Variants in GARNL3 observed in about 807,000 individuals in gnomAD.
The protein encoded by GARNL3 is GTPase activating Rap/RanGAP domain like 3.
Under a neutral mutation model 125.0 loss-of-function variants are expected in GARNL3, and 63 were observed. The ratio of observed to expected loss-of-function variants is 0.50; its 90% CI spans 0.41 to 0.62. GARNL3 has a LOEUF of 0.62. Ranked by LOEUF, GARNL3 falls within the 20% of genes least tolerant of loss-of-function variation. The pLI is 0.00. For missense variants in GARNL3, 994 were observed against 1,244.0 expected (o/e 0.80, Z 3.02); for synonymous variants, 439 against 457.5 (o/e 0.96, Z 0.52).
chr9:127,342,540 G>T (rs371999298), intron 14 of GARNL3, among the ~76,000 whole-genome samples: 1 of 152,312 alleles, frequency 6.6e-6, no homozygotes, highest in East Asian at 1.9e-4. Flanking sequence ...ACACAGGAAT[G>T]CGATTTCCAG....
intron 13 of GARNL3, among the ~76,000 whole-genome samples, chr9:127,341,477 A>G (rs1173481000): frequency 6.6e-6 from 1 of 152,242 alleles, no homozygotes; most frequent in Non-Finnish European, 1.5e-5. Context: ...CTGAAATTGT[A>G]TGTGAAATTG....
At position 127,367,579 on chromosome 9, in the gene GARNL3, C is replaced by CCAGAA. The variant is rs1831352917; in HGVS notation, c.2161+2213_2161+2214insCAGAA. On this transcript the variant is annotated intron_variant, in intron 22 of 27. Transcript: ENST00000373387. ...ATATTGGGTTTTTTAAATAATTAAA[C>CCAGAA]TCTATTTTTATTACCAGAATCTGTC... Among the ~76,000 whole-genome samples, 2 of 152,082 alleles carry CCAGAA rather than the reference C, an allele frequency of 1.3e-5. 1 individual carries two copies. Among genetic ancestry groups the CCAGAA allele is most frequent in the South Asian group, 4.1e-4 (2 of 4,830 alleles).
At chr9:127,316,575 C>T (rs1012941022) in intron 4 of GARNL3, among the ~76,000 whole-genome samples, 2 of 152,094 alleles carry the variant, frequency 1.3e-5, no homozygotes, top group Admixed American at 6.5e-5. Context: ...AATCAGAAAA[C>T]GTGTATTTCT....
chr9:127,318,717 G>A (rs1183610521), intron 5 of GARNL3, among the ~76,000 whole-genome samples: 1 of 152,054 alleles, frequency 6.6e-6, no homozygotes, highest in Non-Finnish European at 1.5e-5. Flanking sequence ...CCTCCCCTAG[G>A]GAATGCCGCC....
chr9:127,279,848 C>T (rs944274198), intron 1 of GARNL3, among the ~76,000 whole-genome samples: 1 of 152,070 alleles, frequency 6.6e-6, no homozygotes, highest in African/African-American at 2.4e-5. Context: ...AACTGGCTCT[C>T]AGCTATCATT....
rs55970009 is a variant in GARNL3, at chr9:127,388,505, G to A, written c.2528-399G>A. Reference sequence around the variant, plus strand: ...TCTTTCACTCTATCTGGCTTTGCCCGCAAACCCCAGAGGCCTCTGCTGTGG... The same window carrying A: ...TCTTTCACTCTATCTGGCTTTGCCCACAAACCCCAGAGGCCTCTGCTGTGG... On this transcript the variant is annotated intron_variant, in intron 25 of 27. Transcript: ENST00000373387. The A allele has an allele frequency of 4.2e-3, 983 of 232,026 alleles. 6 individuals carry two copies. The highest frequency in any genetic ancestry group is 6.3e-3 in the Non-Finnish European group (740 of 117,028). The allele number at this position is 232,026 out of a possible 1,614,324, so 14.4% of individuals were successfully genotyped here.
At chr9:127,390,835 C>T in intron 27 of GARNL3, 68 bp downstream of exon 27, 1 of 1,503,898 alleles carries the variant, frequency 6.6e-7, no homozygotes, top group Non-Finnish European at 9.0e-7. Flanking sequence ...CCAGGAGGCC[C>T]CTTCTGGGGA....
intron 16 of GARNL3, among the ~76,000 whole-genome samples, chr9:127,346,422 T>A (rs1830142597): frequency 6.6e-6 from 1 of 152,162 alleles, no homozygotes; most frequent in Non-Finnish European, 1.5e-5. Flanking sequence ...TAATTAACCC[T>A]AAAAACCACA....
intron 9 of GARNL3, 121 bp downstream of exon 9, chr9:127,333,242 G>C (rs772691334): frequency 1.6e-5 from 12 of 738,624 alleles, no homozygotes; most frequent in Non-Finnish European, 2.5e-5. Flanking sequence ...ACTGGAGGGA[G>C]GTGAGCTCCA....
At chr9:127,332,378 C>T (rs752351531) in intron 8 of GARNL3, 29 bp downstream of exon 8, 1 of 1,554,356 alleles carries the variant, frequency 6.4e-7, no homozygotes, top group Admixed American at 1.7e-5. Flanking sequence ...CTCTCTGCTG[C>T]CAGAGACCCT....
chr9:127,263,657 A>T, upstream of GARNL3: 3 of 1,057,710 alleles, frequency 2.8e-6, no homozygotes, highest in Non-Finnish European at 3.4e-6. Flanking sequence ...GTAGAAAATC[A>T]TATCACTAGA....
intron 21 of GARNL3, among the ~76,000 whole-genome samples, chr9:127,358,488 A>G (rs558460121): frequency 2.5e-4 from 38 of 152,368 alleles, no homozygotes; most frequent in Non-Finnish European, 5.1e-4. Context: ...AATTCTTCCA[A>G]TTATGCTTTA....
chr9:127,305,926 ACTC>A (rs1028695980), intron 2 of GARNL3, among the ~76,000 whole-genome samples: 5 of 151,810 alleles, frequency 3.3e-5, no homozygotes, highest in African/African-American at 1.2e-4. Context: ...ATTAAAGAAA[ACTC>A]CTCATATTGA....
chr9:127,339,676 C>T lies in GARNL3; in HGVS notation c.1060C>T (p.Leu354Phe). 2 of 1,613,472 alleles carry T rather than the reference C, an allele frequency of 1.2e-6. No homozygotes were observed. The highest frequency in any genetic ancestry group is 2.2e-5 in the East Asian group (1 of 44,886). Reference protein sequence around the residue: ...LKIFSEESVPLFGPPLPTPPV... With the variant: ...LKIFSEESVPFFGPPLPTPPV... ...AATATTTTCAGAAGAGAGCGTACCA[C>T]TCTTTGGCCCTCCCTTGCCAACTCC... The change falls in exon 13 of 28, where the codon CTC (leucine) becomes TTC (phenylalanine). Residue 354 changes from leucine to phenylalanine, a missense_variant. Leu to Phe is a conservative substitution (Grantham distance 22, BLOSUM62 0). Around this residue, in one of 5 missense-constraint regions of GARNL3, gnomAD observed 728 missense variants for 865.7 expected, o/e 0.84. Coordinates refer to ENST00000373387, the MANE Select transcript of GARNL3 (RefSeq NM_032293.5).
At chr9:127,287,476 T>G (rs375739007) in intron 1 of GARNL3, among the ~76,000 whole-genome samples, 4 of 152,234 alleles carry the variant, frequency 2.6e-5, no homozygotes, top group African/African-American at 9.6e-5. Flanking sequence ...ATTTTCTTCC[T>G]GAAGTGTTAG....
At chr9:127,323,375 A>G (rs1334859011) in intron 6 of GARNL3, among the ~76,000 whole-genome samples, 1 of 152,228 alleles carries the variant, frequency 6.6e-6, no homozygotes, top group Non-Finnish European at 1.5e-5. Context: ...AAGAAACTGC[A>G]ACATAAATGT....
intron 1 of GARNL3, among the ~76,000 whole-genome samples, chr9:127,276,733 C>T (rs1394310756): frequency 6.6e-6 from 1 of 152,240 alleles, no homozygotes. Context: ...AGAAATCACA[C>T]ATAGCCATGT....
At chr9:127,240,655 C>G (rs1429896870) in intron 1 of GARNL3, among the ~76,000 whole-genome samples, 1 of 152,218 alleles carries the variant, frequency 6.6e-6, no homozygotes, top group Non-Finnish European at 1.5e-5. Context: ...GTAATCCCAA[C>G]ACTTTGGGAA....
chr9:127,235,099 C>T (rs575086808), intron 1 of GARNL3, among the ~76,000 whole-genome samples: 9 of 152,148 alleles, frequency 5.9e-5, no homozygotes, highest in African/African-American at 1.9e-4. Flanking sequence ...GAGAAATAAG[C>T]AGCTTCTGGC....
Sources: gnomAD v4.1 joint callset for allele counts (sites outside exome capture counted in the v4.1 genomes callset) on GRCh38, gnomAD v4.1.1 for gene constraint, gnomAD v4.1.1 regional missense constraint, MANE v1.5 for transcripts, NCBI Gene and HGNC (gene_info 2026-07-23, HGNC 2026-07-21) for gene names.